KCNT2: variants seen among roughly 807,000 people sequenced by gnomAD.
KCNT2 encodes potassium sodium-activated channel subfamily T member 2.
A neutral mutation model predicts 153.8 loss-of-function variants in KCNT2; 67 were observed. The observed-to-expected ratio is 0.44, with a 90% CI of 0.36 to 0.53. The LOEUF (loss-of-function observed/expected upper bound fraction) is 0.53, where lower values mean the gene tolerates loss of function less well. KCNT2 is among the 20% of genes least tolerant of loss of function. The pLI is 0.00. For missense variants in KCNT2, 975 were observed against 1,354.8 expected (o/e 0.72, Z 4.40); for synonymous variants, 500 against 458.8 (o/e 1.09, Z -1.15).
At chr1:196,478,030 T>C (rs1056847150) in intron 5 of KCNT2, among the ~76,000 whole-genome samples, 3 of 152,242 alleles carry the variant, frequency 2.0e-5, no homozygotes, top group Non-Finnish European at 4.4e-5. Context: ...TTATTTAATC[T>C]ATGTGGATCC....
chr1:196,514,397 A>T (rs1476301242), intron 1 of KCNT2, among the ~76,000 whole-genome samples: 1 of 152,112 alleles, frequency 6.6e-6, no homozygotes, highest in African/African-American at 2.4e-5. Flanking sequence ...TGGAATCCCC[A>T]CCCAGCAATC....
intron 22 of KCNT2, among the ~76,000 whole-genome samples, chr1:196,300,622 C>G (rs185284654): frequency 6.6e-6 from 1 of 152,256 alleles, no homozygotes; most frequent in East Asian, 1.9e-4. Flanking sequence ...TAATTTATTA[C>G]CATGATACCC....
chr1:196,425,793 G>C lies in KCNT2; in HGVS notation c.1121+59C>G, dbSNP rs1261929159. 3.8e-6 allele frequency: 6 copies of C among 1,574,810 alleles called. No homozygotes were observed. In the Admixed American group the frequency reaches 1.0e-4, roughly 27 times the overall value. ...GAAAATTGCTAAAATTTGGAGGAAA[G>C]AGAAAATATTAAGTCACTCAAAACT... On this transcript the variant is annotated intron_variant, in intron 11 of 27. Coordinates refer to ENST00000294725, the MANE Select transcript of KCNT2 (RefSeq NM_198503.5).
At chr1:196,380,669 C>A (rs369098562) in intron 13 of KCNT2, among the ~76,000 whole-genome samples, 6 of 152,060 alleles carry the variant, frequency 3.9e-5, no homozygotes, top group African/African-American at 9.7e-5. Flanking sequence ...AAATGTTAGT[C>A]ATTTTTATTT....
intron 11 of KCNT2, among the ~76,000 whole-genome samples, chr1:196,424,849 C>A (rs1470170441): frequency 2.6e-5 from 4 of 151,426 alleles, no homozygotes; most frequent in Admixed American, 6.6e-5. Flanking sequence ...TTCTTCTGTT[C>A]TTTTCCAACA....
At chr1:196,413,197 C>T (rs1672478773) in intron 12 of KCNT2, among the ~76,000 whole-genome samples, 1 of 151,464 alleles carries the variant, frequency 6.6e-6, no homozygotes, top group Non-Finnish European at 1.5e-5. Context: ...AAGCTGTTAT[C>T]AACATGGGGA....
intron 19 of KCNT2, among the ~76,000 whole-genome samples, chr1:196,322,064 TCC>T (rs1265370469): frequency 6.6e-6 from 1 of 151,934 alleles, no homozygotes; most frequent in Non-Finnish European, 1.5e-5. Flanking sequence ...GATGTCCTTT[TCC>T]TACATTATGT....
At chr1:196,412,507 T>C (rs1248198879) in intron 12 of KCNT2, among the ~76,000 whole-genome samples, 5 of 151,640 alleles carry the variant, frequency 3.3e-5, no homozygotes, top group Non-Finnish European at 5.9e-5. Flanking sequence ...TCGGAGTGGG[T>C]TGCAACAGAT....
intron 14 of KCNT2, among the ~76,000 whole-genome samples, chr1:196,356,009 G>A (rs541024946): frequency 1.3e-5 from 2 of 151,620 alleles, no homozygotes; most frequent in Non-Finnish European, 1.5e-5. Context: ...AAACATTGTA[G>A]TGAATTTCCC....
At chr1:196,319,703 T>G (rs1427458245) in intron 19 of KCNT2, 148 bp from the exon 20 acceptor site, 1 of 490,180 alleles carries the variant, frequency 2.0e-6, no homozygotes, top group Non-Finnish European at 3.7e-6. Context: ...TTCTTAACAT[T>G]AACTAGAAAA....
intron 12 of KCNT2, among the ~76,000 whole-genome samples, chr1:196,411,094 C>T (rs183113707): frequency 8.1e-4 from 57 of 70,654 alleles, no homozygotes; most frequent in Admixed American, 2.0e-3. Flanking sequence ...TCCTTCCTTC[C>T]TTCCTTCCTT....
intron 1 of KCNT2, among the ~76,000 whole-genome samples, chr1:196,560,356 C>T (rs1237920581): frequency 6.6e-6 from 1 of 151,832 alleles, no homozygotes; most frequent in Non-Finnish European, 1.5e-5. Flanking sequence ...AGGACAAATG[C>T]AAATTAAAAA....
intron 25 of KCNT2, among the ~76,000 whole-genome samples, chr1:196,272,505 G>A (rs1325079069): frequency 6.6e-6 from 1 of 151,696 alleles, no homozygotes; most frequent in East Asian, 1.9e-4. Context: ...ATAAATATTT[G>A]TAATTCTGGT....
At chr1:196,483,261 C>T (rs1461011905) in intron 3 of KCNT2, among the ~76,000 whole-genome samples, 2 of 152,126 alleles carry the variant, frequency 1.3e-5, no homozygotes, top group Non-Finnish European at 2.9e-5. Flanking sequence ...AGCCATCAAA[C>T]CTTTTCAGTC....
At chr1:196,296,823 C>T (rs1033661158) in intron 22 of KCNT2, among the ~76,000 whole-genome samples, 5 of 151,986 alleles carry the variant, frequency 3.3e-5, no homozygotes, top group Non-Finnish European at 5.9e-5. Flanking sequence ...AATAAATGTA[C>T]TGTACTCTCT....
chr1:196,341,468 T>C (rs1665621989), intron 15 of KCNT2, among the ~76,000 whole-genome samples: 1 of 152,030 alleles, frequency 6.6e-6, no homozygotes, highest in African/African-American at 2.4e-5. Context: ...CATTACATAA[T>C]AGATTAGTTA....
chr1:196,524,790 C>A (rs975937285), intron 1 of KCNT2, among the ~76,000 whole-genome samples: 1 of 152,048 alleles, frequency 6.6e-6, no homozygotes, highest in African/African-American at 2.4e-5. Flanking sequence ...ATCAAATTTT[C>A]ATTTTACTTC....
chr1:196,519,332 T>C (rs1653034754), intron 1 of KCNT2, among the ~76,000 whole-genome samples: 1 of 151,956 alleles, frequency 6.6e-6, no homozygotes, highest in African/African-American at 2.4e-5. Context: ...TAAACGCTGA[T>C]ATCAAAAGTT....
chr1:196,507,672 G>C (rs563965555), intron 1 of KCNT2, among the ~76,000 whole-genome samples: 1 of 151,998 alleles, frequency 6.6e-6, no homozygotes, highest in Non-Finnish European at 1.5e-5. Context: ...TTTCTGACAT[G>C]TTCTCATGTT....
Sources: allele counts gnomAD v4.1 joint callset (sites outside exome capture counted in the v4.1 genomes callset), GRCh38; gene constraint gnomAD v4.1.1; transcripts MANE v1.5; gene names NCBI Gene and HGNC (gene_info 2026-07-23, HGNC 2026-07-21).